The following ACP3 variants were observed in gnomAD, a reference collection of about 807,000 sequenced individuals.
ACP3 encodes the protein acid phosphatase 3.
A neutral mutation model predicts 45.6 loss-of-function variants in ACP3; 38 were observed. The ratio of observed to expected loss-of-function variants is 0.83; its 90% CI spans 0.64 to 1.09. ACP3 has a LOEUF of 1.09. ACP3 is among the 50% of genes least tolerant of loss of function. ACP3 has a pLI of 0.00. For synonymous variants in ACP3, 162 were observed against 164.7 expected (o/e 0.98, Z 0.13); for missense variants, 466 against 463.2 (o/e 1.01, Z -0.05).
At chr3:132,367,382 C>G (rs999277334) in intron 10 of ACP3, among the ~76,000 whole-genome samples, 12 of 152,142 alleles carry the variant, frequency 7.9e-5, no homozygotes, top group Non-Finnish European at 1.8e-4. Context: ...ACCCTGAGAC[C>G]ATGGACAATT....
At chr3:132,330,913 G>A (rs1412429962) in intron 2 of ACP3, among the ~76,000 whole-genome samples, 1 of 152,224 alleles carries the variant, frequency 6.6e-6, no homozygotes, top group Non-Finnish European at 1.5e-5. Flanking sequence ...TGATGGAGAT[G>A]CTGAGGAATC....
intron 6 of ACP3, 113 bp from the exon 7 acceptor site, chr3:132,344,814 C>A: frequency 1.7e-6 from 2 of 1,209,062 alleles, no homozygotes; most frequent in Non-Finnish European, 1.1e-6. Flanking sequence ...AAAGAAATGG[C>A]AGGACAAGAA....
chr3:132,345,079 A>G lies in ACP3; in HGVS notation c.781+20A>G, dbSNP rs368755340. On this transcript the variant is annotated intron_variant, in intron 7 of 9. Coordinates refer to ENST00000336375, the MANE Select transcript of ACP3 (RefSeq NM_001099.5). ...AAGGGGGTAAGTATTAAAAAATGAGAGGAGCATATTGGATTTGTGGTTGAA... is the reference window on the plus strand; with the variant it reads ...AAGGGGGTAAGTATTAAAAAATGAGGGGAGCATATTGGATTTGTGGTTGAA... The G allele has an allele frequency of 3.9e-5, 62 of 1,605,554 alleles. No homozygotes were observed. In the African/African-American group the frequency reaches 6.7e-4, roughly 17 times the overall value.
Position 132,366,065 on chromosome 3 carries a change from C to T in ACP3, c.1139-1639C>T, listed in dbSNP as rs182329004. ...TCTGTAATCCCAGGACTTTAGGAGG[C>T]TGAGGCAGATGGATCATTTGAGCTT... On this transcript the variant is annotated intron_variant, in intron 10 of 10. Transcript: ENST00000351273. 2.2e-3 allele frequency among the ~76,000 whole-genome samples: 327 copies of T among 151,898 alleles called. 3 individuals carry two copies. The highest frequency in any genetic ancestry group is 6.8e-3 in the African/African-American group (283 of 41,414).
downstream of ACP3, among the ~76,000 whole-genome samples, chr3:132,361,011 G>C (rs896625900): frequency 4.6e-5 from 7 of 152,160 alleles, no homozygotes; most frequent in African/African-American, 1.4e-4. Context: ...ATAAATAAGA[G>C]AGAGAAGCTA....
At chr3:132,350,991 G>A (rs1937721330) in intron 8 of ACP3, among the ~76,000 whole-genome samples, 1 of 152,226 alleles carries the variant, frequency 6.6e-6, no homozygotes, top group Non-Finnish European at 1.5e-5. Context: ...GAAAAGCTGA[G>A]TGTGCATTCT....
At chr3:132,345,139 A>G in intron 7 of ACP3, 80 bp downstream of exon 7, 2 of 1,319,708 alleles carry the variant, frequency 1.5e-6, no homozygotes, top group South Asian at 2.6e-5. Context: ...CCACTAATCA[A>G]CTGTGTGATC....
intron 8 of ACP3, 54 bp from the exon 9 acceptor site, chr3:132,352,666 T>C: frequency 8.0e-7 from 1 of 1,242,732 alleles, no homozygotes. Context: ...AAGTGCTTCA[T>C]ACCTATTGAA....
intron 8 of ACP3, among the ~76,000 whole-genome samples, chr3:132,350,285 G>T (rs1044083798): frequency 6.6e-6 from 1 of 152,206 alleles, no homozygotes; most frequent in Non-Finnish European, 1.5e-5. Context: ...TGTTCCAAGA[G>T]GGTGGAGAAG....
In ACP3 at chr3:132,357,502, T is replaced by G; in HGVS notation, c.*624T>G. 1.0e-6 allele frequency: 1 copy of G among 985,224 alleles called. No homozygotes were observed. The highest frequency in any genetic ancestry group is 1.2e-6 in the Non-Finnish European group (1 of 829,730). 61.0% of individuals were successfully genotyped at this position (985,224 alleles called of 1,614,324 possible). A position where few individuals can be genotyped will look rare whatever the true frequency, so the allele number is the denominator to read the frequency against. On this transcript the variant is annotated 3_prime_UTR_variant, in exon 10 of 10. Coordinates refer to ENST00000336375, the MANE Select transcript of ACP3 (RefSeq NM_001099.5). ...TATATGAGGCTACAGAACTAAAAAT[T>G]AAAACCTCTTTGTGTCCCTTGGTCC...
chr3:132,325,269 GTGT>G (rs1937277981), intron 1 of ACP3, among the ~76,000 whole-genome samples: 1 of 152,198 alleles, frequency 6.6e-6, no homozygotes, highest in Non-Finnish European at 1.5e-5. Context: ...GGTTTATTAA[GTGT>G]TTCTCCAGGA....
At chr3:132,344,433 G>A (rs1937585230) in intron 6 of ACP3, among the ~76,000 whole-genome samples, 1 of 149,648 alleles carries the variant, frequency 6.7e-6, no homozygotes, top group Non-Finnish European at 1.5e-5. Flanking sequence ...GACAGAGCAA[G>A]ACAATGTCTC....
chr3:132,348,382 C>T (rs57225297), intron 7 of ACP3, among the ~76,000 whole-genome samples: 71,603 of 151,262 alleles, frequency 0.47, 17,677 homozygotes, highest in Middle Eastern at 0.65. Flanking sequence ...ATAATCTAAT[C>T]AAGTTTCTGA....
At chr3:132,345,109 C>A in intron 7 of ACP3, 50 bp downstream of exon 7, 1 of 1,528,110 alleles carries the variant, frequency 6.5e-7, no homozygotes. Flanking sequence ...GTTGAATGAT[C>A]CAGGTCTGAG....
downstream of ACP3, among the ~76,000 whole-genome samples, chr3:132,359,446 T>TG (rs1339593642): frequency 6.6e-6 from 1 of 152,036 alleles, no homozygotes; most frequent in African/African-American, 2.4e-5. Context: ...AAGCGGAACT[T>TG]GCAGTGAGCC....
intron 7 of ACP3, among the ~76,000 whole-genome samples, chr3:132,347,871 A>ACACACACACACACC (rs766142673): frequency 2.6e-5 from 4 of 151,094 alleles, no homozygotes; most frequent in Admixed American, 6.6e-5. Flanking sequence ...ACACACACAC[A>ACACACACACACACC]CCAAAAAAAT....
downstream of ACP3, among the ~76,000 whole-genome samples, chr3:132,363,211 T>G (rs988469118): frequency 1.2e-4 from 18 of 152,218 alleles, no homozygotes; most frequent in Admixed American, 1.2e-3. Flanking sequence ...CCCAGGCCTC[T>G]GTCTTCTATG....
intron 1 of ACP3, among the ~76,000 whole-genome samples, chr3:132,321,102 C>T (rs991598892): frequency 1.3e-5 from 2 of 152,056 alleles, no homozygotes; most frequent in African/African-American, 4.8e-5. Flanking sequence ...CAGTGTGAGG[C>T]CACATTGAGC....
Position 132,367,569 on chromosome 3 carries a change from A to G in ACP3, c.1139-135A>G, listed in dbSNP as rs551880853. On this transcript the variant is annotated intron_variant, in intron 10 of 10. Coordinates refer to the ACP3 transcript ENST00000351273. ...GTCCTGTGCTCTTCTTAGCACACAC[A>G]TAATGCTGATTTCAAGGCCTCTTTA... The G allele has an allele frequency of 1.2e-5, 8 of 681,504 alleles. No homozygotes were observed. The East Asian group carries it at 1.6e-4, about 14-fold the overall frequency. 42.2% of individuals were successfully genotyped at this position (681,504 alleles called of 1,614,324 possible).
Sources: gnomAD v4.1 joint callset for allele counts (sites outside exome capture counted in the v4.1 genomes callset) on GRCh38, gnomAD v4.1.1 for gene constraint, MANE v1.5 for transcripts, NCBI Gene and HGNC (gene_info 2026-07-23, HGNC 2026-07-21) for gene names.